The following SLCO5A1 variants were observed in gnomAD, a reference collection of about 807,000 sequenced individuals.
The protein encoded by SLCO5A1 is solute carrier organic anion transporter family member 5A1.
Under a neutral mutation model 65.1 loss-of-function variants are expected in SLCO5A1, and 39 were observed. The observed-to-expected ratio is 0.60, with a 90% CI of 0.46 to 0.78. SLCO5A1 has a LOEUF of 0.78. Among genes scored for constraint, SLCO5A1 ranks in the 30% least tolerant of loss-of-function variants. The pLI, the probability that SLCO5A1 is intolerant of heterozygous loss-of-function variation, is 0.00. For synonymous variants in SLCO5A1, 438 were observed against 415.7 expected (o/e 1.05, Z -0.65); for missense variants, 1,029 against 1,069.4 (o/e 0.96, Z 0.53).
chr8:69,761,680 G>A, intron 3 of SLCO5A1, 63 bp downstream of exon 3: 1 of 1,558,826 alleles, frequency 6.4e-7, no homozygotes, highest in South Asian at 1.2e-5. Flanking sequence ...AAATACAAGT[G>A]TACCATGACT....
intron 5 of SLCO5A1, among the ~76,000 whole-genome samples, chr8:69,726,549 GAGTGC>G (rs1816088124): frequency 6.7e-6 from 1 of 148,260 alleles, no homozygotes; most frequent in Admixed American, 6.8e-5. Context: ...GCCCAGGCTG[GAGTGC>G]AGTGGTGCGA....
At chr8:69,791,613 C>T (rs532237388) in intron 2 of SLCO5A1, among the ~76,000 whole-genome samples, 96 of 152,302 alleles carry the variant, frequency 6.3e-4, no homozygotes, top group African/African-American at 2.2e-3. Flanking sequence ...CAAGTACACA[C>T]GTGCCAGAGG....
rs147056219 is a variant in SLCO5A1 at position 69,685,468 on chromosome 8, A to G, written c.1623-3125T>C. On this transcript the variant is annotated intron_variant, in intron 6 of 9. Coordinates refer to ENST00000260126, the MANE Select transcript of SLCO5A1 (RefSeq NM_030958.3). ...AAACAAAAAGCATTTCTGGCAAGAC[A>G]TAAAATGCACAAGGGCTTCTTACTG... Among the ~76,000 whole-genome samples, 102 of 152,352 alleles carry G rather than the reference A, an allele frequency of 6.7e-4. 1 individual carries two copies. Among genetic ancestry groups the G allele is most frequent in the African/African-American group, 2.3e-3 (94 of 41,580 alleles).
chr8:69,713,905 C>T (rs1023816534), intron 5 of SLCO5A1: 1 of 152,176 alleles, frequency 6.6e-6, no homozygotes, highest in Non-Finnish European at 1.5e-5. Context: ...TAATTTTACC[C>T]TTTTGAGCTT....
intron 1 of SLCO5A1, chr8:69,834,346 T>A (rs1183749172): frequency 6.6e-6 from 1 of 152,354 alleles, no homozygotes; most frequent in African/African-American, 2.4e-5. Flanking sequence ...GCCTTTGTGA[T>A]GCTGCTGAGA....
intron 2 of SLCO5A1, among the ~76,000 whole-genome samples, chr8:69,788,779 G>A (rs1819143121): frequency 6.6e-6 from 1 of 152,034 alleles, no homozygotes; most frequent in Non-Finnish European, 1.5e-5. Context: ...CTTCCCTACT[G>A]TGTACCTTAA....
intron 4 of SLCO5A1, among the ~76,000 whole-genome samples, chr8:69,749,315 A>T (rs564641120): frequency 1.3e-5 from 2 of 151,974 alleles, no homozygotes; most frequent in Non-Finnish European, 2.9e-5. Context: ...CAGTTGTCAC[A>T]CCCTAAAGAA....
chr8:69,737,591 C>T (rs1044121299), intron 5 of SLCO5A1, among the ~76,000 whole-genome samples: 4 of 152,138 alleles, frequency 2.6e-5, no homozygotes, highest in Non-Finnish European at 4.4e-5. Flanking sequence ...ATTTCCTTTT[C>T]AACTTCACAC....
At chr8:69,688,123 C>T (rs1433077290) in intron 6 of SLCO5A1, among the ~76,000 whole-genome samples, 1 of 151,946 alleles carries the variant, frequency 6.6e-6, no homozygotes, top group Non-Finnish European at 1.5e-5. Flanking sequence ...GTAAAACAAA[C>T]ATTGTGTCTC....
rs1053920788 is a variant in SLCO5A1, at chr8:69,692,309, A to G, written c.1623-9966T>C. The stretch of plus-strand genomic sequence containing the variant: ...CACCTGTATAGGGCATTTATCATGA[A>G]TGGAGCCTGCAGGACTGGAATTTGC... On this transcript the variant is annotated intron_variant, in intron 6 of 9. Coordinates refer to ENST00000260126, the MANE Select transcript of SLCO5A1 (RefSeq NM_030958.3). 9.8e-4 allele frequency among the ~76,000 whole-genome samples: 150 copies of G among 152,316 alleles called. 1 individual carries two copies. The highest frequency in any genetic ancestry group is 3.3e-3 in the African/African-American group (136 of 41,568).
chr8:69,811,821 C>A (rs1453078803), intron 2 of SLCO5A1, among the ~76,000 whole-genome samples: 1 of 152,226 alleles, frequency 6.6e-6, no homozygotes, highest in African/African-American at 2.4e-5. Flanking sequence ...ATGATCCCTG[C>A]ATTAACAGAG....
At chr8:69,748,855 C>G (rs1817153912) in intron 4 of SLCO5A1, among the ~76,000 whole-genome samples, 1 of 152,068 alleles carries the variant, frequency 6.6e-6, no homozygotes, top group African/African-American at 2.4e-5. Flanking sequence ...GGCCTAAAGA[C>G]CTGGGTTTTA....
At chr8:69,744,481 T>A (rs182224876) in intron 4 of SLCO5A1, among the ~76,000 whole-genome samples, 14 of 152,352 alleles carry the variant, frequency 9.2e-5, no homozygotes, top group African/African-American at 2.6e-4. Context: ...ACAGCTTCTC[T>A]AGACAGTCTA....
At chr8:69,708,487 G>A (rs1815073018) in intron 5 of SLCO5A1, among the ~76,000 whole-genome samples, 1 of 151,976 alleles carries the variant, frequency 6.6e-6, no homozygotes, top group Non-Finnish European at 1.5e-5. Context: ...CTTGAACCCA[G>A]GAGGCAGAAG....
chr8:69,705,683 G>T (rs1814938666), intron 5 of SLCO5A1, among the ~76,000 whole-genome samples: 1 of 152,138 alleles, frequency 6.6e-6, no homozygotes, highest in African/African-American at 2.4e-5. Flanking sequence ...CATTCCACAT[G>T]TACCTCATAA....
intron 5 of SLCO5A1, among the ~76,000 whole-genome samples, chr8:69,718,769 A>G (rs2933031): frequency 0.57 from 87,391 of 152,088 alleles, 25,594 homozygotes; most frequent in South Asian, 0.69. Flanking sequence ...GAATAAAAGT[A>G]ACTAAAATTC....
chr8:69,703,696 G>C (rs62512237), intron 6 of SLCO5A1, among the ~76,000 whole-genome samples: 19,894 of 152,190 alleles, frequency 0.13, 1,406 homozygotes, highest in Non-Finnish European at 0.16. Context: ...CTGGACAGTG[G>C]TGCACTGGAG....
chr8:69,738,320 A>G, intron 4 of SLCO5A1, 116 bp from the exon 5 acceptor site: 1 of 929,116 alleles, frequency 1.1e-6, no homozygotes, highest in South Asian at 2.3e-5. Context: ...TTTGCCACCA[A>G]GGAATAAAAA....
At position 69,668,829 on chromosome 8, in the gene SLCO5A1, T is replaced by C. The variant is rs974311819; in HGVS notation, c.*4040A>G. 7 of 151,980 alleles carry C rather than the reference T, an allele frequency of 4.6e-5. No homozygotes were observed. Among genetic ancestry groups the C allele is most frequent in the Non-Finnish European group, 1.0e-4 (7 of 67,988 alleles). 9.4% of individuals were successfully genotyped at this position (151,980 alleles called of 1,614,324 possible). On this transcript the variant is annotated 3_prime_UTR_variant, in exon 10 of 10. Coordinates refer to ENST00000260126, the MANE Select transcript of SLCO5A1 (RefSeq NM_030958.3). ...TTCTCTGAAGGCTGACATTTCCAAG[T>C]GCATGCCACTAAAGGTAACAATGTC...
Sources: gnomAD v4.1 joint callset for allele counts (sites outside exome capture counted in the v4.1 genomes callset) on GRCh38, gnomAD v4.1.1 for gene constraint, MANE v1.5 for transcripts, NCBI Gene and HGNC (gene_info 2026-07-23, HGNC 2026-07-21) for gene names.